Variants in BLTP1 observed in about 807,000 individuals in gnomAD.
BLTP1 encodes fragile site-associated protein.
At chr4:122,359,285 T>C in the BLTP1 span, 18 of 965,480 alleles carry the variant, frequency 1.9e-5, no homozygotes, top group Non-Finnish European at 2.2e-5. Context: ...AGCCATTCTT[T>C]AGGAAACCTA....
the BLTP1 span, chr4:122,304,881 A>T: frequency 6.2e-7 from 1 of 1,614,010 alleles, no homozygotes; most frequent in Non-Finnish European, 8.5e-7. Flanking sequence ...TTTCTAACCG[A>T]CTTCAAACCA....
the BLTP1 span, among the ~76,000 whole-genome samples, chr4:122,272,615 G>A: frequency 1.3e-5 from 2 of 151,802 alleles, no homozygotes; most frequent in Non-Finnish European, 2.9e-5. Context: ...AAATATTTTA[G>A]CACATAAATA....
chr4:122,341,965 G>C, the BLTP1 span: 1 of 352,194 alleles, frequency 2.8e-6, no homozygotes, highest in East Asian at 1.7e-4. Context: ...ATAACAAAAA[G>C]GAAAAAAAAG....
chr4:122,215,842 C>A, the BLTP1 span, among the ~76,000 whole-genome samples: 2 of 151,798 alleles, frequency 1.3e-5, no homozygotes, highest in African/African-American at 2.4e-5. Flanking sequence ...TCACCCCCCC[C>A]ATCCTTCCTC....
At chr4:122,239,910 C>T in the BLTP1 span, 4 of 1,613,750 alleles carry the variant, frequency 2.5e-6, no homozygotes, top group Admixed American at 5.0e-5. Context: ...TGATGAAGGC[C>T]CTGGAACTTA....
the BLTP1 span, chr4:122,234,204 T>C: frequency 1.5e-4 from 91 of 624,632 alleles, no homozygotes; most frequent in African/African-American, 1.8e-3. Context: ...AATACTTTAT[T>C]TGTAGTCCTT....
At chr4:122,199,761 A>T in the BLTP1 span, 1 of 239,468 alleles carries the variant, frequency 4.2e-6, no homozygotes, top group Non-Finnish European at 6.8e-6. Flanking sequence ...TCTAAGTTCT[A>T]AGTAAGATAA....
the BLTP1 span, chr4:122,199,943 T>C: frequency 1.0e-6 from 1 of 976,476 alleles, no homozygotes; most frequent in Non-Finnish European, 1.2e-6. Flanking sequence ...ATGATTAAAA[T>C]TGCTGATTGG....
At chr4:122,239,643 A>G in the BLTP1 span, 2 of 1,614,134 alleles carry the variant, frequency 1.2e-6, no homozygotes, top group Non-Finnish European at 8.5e-7. Flanking sequence ...TCTTGGAAGT[A>G]CTAAGAGTCT....
chr4:122,208,626 C>CATTCTTT, the BLTP1 span: 1 of 983,724 alleles, frequency 1.0e-6, no homozygotes, highest in Non-Finnish European at 1.2e-6. Flanking sequence ...CCATGGAAGA[C>CATTCTTT]ATTCTTTTCA....
the BLTP1 span, chr4:122,224,488 T>C: frequency 6.2e-7 from 1 of 1,607,860 alleles, no homozygotes; most frequent in Non-Finnish European, 8.5e-7. Flanking sequence ...CTCATCATTA[T>C]TGTTTTCAGC....
At chr4:122,298,992 C>T in the BLTP1 span, 464 of 985,336 alleles carry the variant, frequency 4.7e-4, 4 homozygotes, top group African/African-American at 7.7e-3. Context: ...CCAAGCAACA[C>T]AGGTGCTTTA....
chr4:122,166,027 T>C, the BLTP1 span, among the ~76,000 whole-genome samples: 10 of 152,114 alleles, frequency 6.6e-5, no homozygotes, highest in Admixed American at 6.5e-4. Flanking sequence ...GTAAGTTGCC[T>C]GTTCACTCTA....
chr4:122,258,567 G>C, the BLTP1 span: 5 of 1,162,412 alleles, frequency 4.3e-6, no homozygotes, highest in Non-Finnish European at 4.6e-6. Flanking sequence ...GGATTGGGGT[G>C]GGGGAGAAAA....
the BLTP1 span, chr4:122,237,722 C>T: frequency 2.4e-5 from 10 of 415,954 alleles, no homozygotes; most frequent in Non-Finnish European, 3.2e-5. Flanking sequence ...GCTTTTTACA[C>T]GCCTGTAATC....
the BLTP1 span, chr4:122,269,426 C>T: frequency 2.9e-4 from 286 of 985,198 alleles, 2 homozygotes; most frequent in South Asian, 0.011. Context: ...AACTTCATTG[C>T]GTTTGGTCTA....
the BLTP1 span, chr4:122,256,807 A>G: frequency 1.9e-6 from 1 of 516,176 alleles, no homozygotes; most frequent in Non-Finnish European, 2.5e-6. Context: ...AGTTATAGTA[A>G]TTTATTTTTT....
the BLTP1 span, chr4:122,270,429 A>G: frequency 1.2e-6 from 1 of 823,004 alleles, no homozygotes; most frequent in African/African-American, 1.9e-5. Context: ...TTGACTTTCT[A>G]TATTAAAATT....
chr4:122,157,402 C>T, the BLTP1 span, among the ~76,000 whole-genome samples: 1 of 152,032 alleles, frequency 6.6e-6, no homozygotes, highest in Non-Finnish European at 1.5e-5. Context: ...TTTTTCCGTG[C>T]ACCTGACAGG....
Sources: gnomAD v4.1 joint callset for allele counts (sites outside exome capture counted in the v4.1 genomes callset) on GRCh38, gnomAD v4.1.1 for gene constraint, MANE v1.5 for transcripts, NCBI Gene and HGNC (gene_info 2026-07-23, HGNC 2026-07-21) for gene names.